Variants in ANO5 observed in about 807,000 individuals in gnomAD.
ANO5 encodes anoctamin-5.
A neutral mutation model predicts 121.0 loss-of-function variants in ANO5; 109 were observed. The ratio of observed to expected loss-of-function variants is 0.90; its 90% CI spans 0.77 to 1.06. The LOEUF (loss-of-function observed/expected upper bound fraction) is 1.06. Among genes scored for constraint, ANO5 ranks in the 50% least tolerant of loss-of-function variants. ANO5 has a pLI of 0.00. For missense variants in ANO5, 1,064 were observed against 1,078.5 expected (o/e 0.99, Z 0.19); for synonymous variants, 406 against 359.9 (o/e 1.13, Z -1.45).
intron 17 of ANO5, among the ~76,000 whole-genome samples, chr11:22,263,595 G>A (rs1459584526): frequency 6.6e-6 from 1 of 152,136 alleles, no homozygotes; most frequent in Admixed American, 6.5e-5. Flanking sequence ...ATTATAAAAA[G>A]AGAAAACTAA....
In ANO5 at chr11:22,214,914, A is replaced by G. The variant is rs116167072; in HGVS notation, c.139-3332A>G. ...ATATCAATTATTTTATAAATATTTAATAATGCAATTTAAAATTCTATTTGA... is the reference window on the plus strand; with the variant it reads ...ATATCAATTATTTTATAAATATTTAGTAATGCAATTTAAAATTCTATTTGA... On this transcript the variant is annotated intron_variant, in intron 3 of 21. Transcript: ENST00000324559. Among the ~76,000 whole-genome samples the G allele has an allele frequency of 9.2e-3, 1,402 of 152,140 alleles. 20 individuals are homozygous for G. Among genetic ancestry groups the G allele is most frequent in the African/African-American group, 0.032 (1,336 of 41,542 alleles).
At chr11:22,268,339 TAATA>T (rs1383811278) in intron 17 of ANO5, among the ~76,000 whole-genome samples, 2 of 152,162 alleles carry the variant, frequency 1.3e-5, no homozygotes, top group African/African-American at 4.8e-5. Flanking sequence ...TAATGAATTC[TAATA>T]AATATTTTAA....
At chr11:22,205,027 A>G (rs2133526303) in intron 2 of ANO5, among the ~76,000 whole-genome samples, 1 of 152,264 alleles carries the variant, frequency 6.6e-6, no homozygotes, top group East Asian at 1.9e-4. Context: ...TAAAAATGAC[A>G]AGATCATGTC....
rs1174897078 is a variant in ANO5 at position 22,255,503 on chromosome 11, A to G, written c.1313A>G (p.Lys438Arg). The change falls in exon 13 of 22, where the codon AAA becomes AGA. Residue 438 changes from lysine to arginine, a missense_variant. Coordinates refer to ENST00000324559, the MANE Select transcript of ANO5 (RefSeq NM_213599.3). ...TTTGAAGCTATGTGTAAACACAGGA[A>G]ATTGAATGCAGTGACTAAGGTAGAC... ...PEFEAMCKHRKLNAVTKEMEP... is the reference protein window; with the variant it reads ...PEFEAMCKHRRLNAVTKEMEP... 1 of 1,613,428 alleles carries G rather than the reference A, an allele frequency of 6.2e-7. No homozygotes were observed. The highest frequency in any genetic ancestry group is 8.5e-7 in the Non-Finnish European group (1 of 1,179,494).
At position 22,236,282 on chromosome 11, in the gene ANO5, T is replaced by G. The variant is rs1853217478; in HGVS notation, c.762+6T>G. 2 of 1,593,198 alleles carry G rather than the reference T, an allele frequency of 1.3e-6. No individual in the cohort carries two copies. ...CTGCCTATCCACTCCATGATGTATG[T>G]ATAGGTTTGATTGTGAAAATCTGAG... On this transcript the variant is annotated splice_donor_region_variant and intron_variant, in intron 8 of 21. Transcript: ENST00000324559.
At chr11:22,202,041 G>A (rs190584319) in intron 1 of ANO5, among the ~76,000 whole-genome samples, 1 of 152,142 alleles carries the variant, frequency 6.6e-6, no homozygotes, top group East Asian at 1.9e-4. Flanking sequence ...GGGTGAGGTT[G>A]GAGAGGTTGG....
At chr11:22,231,248 T>C (rs1054285720) in intron 7 of ANO5, among the ~76,000 whole-genome samples, 1 of 152,050 alleles carries the variant, frequency 6.6e-6, no homozygotes, top group South Asian at 2.1e-4. Flanking sequence ...TTTTAAGTAA[T>C]GAATTAATAA....
chr11:22,274,602 C>T lies in ANO5; in HGVS notation c.2269C>T (p.Pro757Ser), dbSNP rs771229339. Residue 757 changes from proline (P) to serine (S), a missense_variant, in exon 20 of 22, where the codon CCC (proline) becomes TCC (serine). Physicochemically the swap from Pro to Ser is moderately conservative, Grantham distance 74. Coordinates refer to ENST00000324559, the MANE Select transcript of ANO5 (RefSeq NM_213599.3). ...FIVAFTSDII[P>S]RLVYYYAYST... is the part of the protein sequence containing the mutation. ...TGTTGCATTTACGTCAGACATCATT[C>T]CCCGTCTAGTTTACTACTATGCTTA... 3 of 1,606,638 alleles carry T rather than the reference C, an allele frequency of 1.9e-6. No individual in the cohort carries two copies. Among genetic ancestry groups the T allele is most frequent in the South Asian group, 2.2e-5 (2 of 90,730 alleles).
Position 22,279,749 on chromosome 11 carries a change from C to G in ANO5, c.2726C>G (p.Ala909Gly), listed in dbSNP as rs541341088. ...VMIEENKAQL[A>G]KSTL The stretch of plus-strand genomic sequence containing the variant: ...ATTGAGGAAAACAAAGCACAGCTGG[C>G]TAAATCAACACTCTAATCAGTATAG... Residue 909 changes from alanine (A) to glycine (G), a missense_variant, in exon 22 of 22, where the codon GCT becomes GGT. Transcript: ENST00000324559. The G allele has an allele frequency of 6.2e-7, 1 of 1,611,956 alleles. No homozygotes were observed. Among genetic ancestry groups the G allele is most frequent in the African/African-American group, 1.3e-5 (1 of 74,944 alleles).
chr11:22,249,569 C>G (rs1330163985), intron 9 of ANO5, among the ~76,000 whole-genome samples: 1 of 152,152 alleles, frequency 6.6e-6, no homozygotes, highest in East Asian at 1.9e-4. Flanking sequence ...AAGTTAAAAA[C>G]AAAACACTTG....
chr11:22,193,145 C>A lies in ANO5; in HGVS notation c.-348C>A. On this transcript the variant is annotated 5_prime_UTR_variant, in exon 1 of 22. Transcript: ENST00000324559. ...GCTGCGGGATCAGCTGCCGAGCAGG[C>A]ACAGGGACAGGTGCCTGGAGAAGTA... is the stretch of plus-strand genomic sequence containing the variant. 8.8e-7 allele frequency: 1 copy of A among 1,141,976 alleles called. No individual in the cohort carries two copies. The highest frequency in any genetic ancestry group is 1.1e-6 in the Non-Finnish European group (1 of 921,690). 70.7% of individuals were successfully genotyped at this position (1,141,976 alleles called of 1,614,324 possible). A position where few individuals can be genotyped will look rare whatever the true frequency, so the allele number is the denominator to read the frequency against.
At chr11:22,258,555 T>C (rs1015552738) in intron 14 of ANO5, among the ~76,000 whole-genome samples, 2 of 152,220 alleles carry the variant, frequency 1.3e-5, no homozygotes, top group Non-Finnish European at 2.9e-5. Context: ...TCTTTGTGCT[T>C]TTGCAATATG....
intron 6 of ANO5, among the ~76,000 whole-genome samples, chr11:22,226,789 C>G (rs920328669): frequency 2.6e-5 from 4 of 152,104 alleles, no homozygotes; most frequent in African/African-American, 9.7e-5. Flanking sequence ...TTATACCACA[C>G]AATCCATAAT....
Position 22,272,911 on chromosome 11 carries a change from T to C in ANO5, c.2157T>C (p.Thr719=), listed in dbSNP as rs756086100. 1 of 1,614,082 alleles carries C rather than the reference T, an allele frequency of 6.2e-7. No homozygotes were observed. Among genetic ancestry groups the C allele is most frequent in the Non-Finnish European group, 8.5e-7 (1 of 1,180,020 alleles). Residue 719 remains threonine (T), a synonymous_variant, in exon 19 of 22, where the codon ACT becomes ACC. Coordinates refer to ENST00000324559, the MANE Select transcript of ANO5 (RefSeq NM_213599.3). ...AWKLTTQYRR[T]VASKAHSIGV... ...AACTTACCACTCAATACAGGAGAAC[T>C]GTAGCTTCTAAAGCTCATAGCATAG...
In ANO5 at chr11:22,236,239, A is replaced by ACT; in HGVS notation, c.728_729dup (p.Asn244LeufsTer47). On this transcript the variant is annotated frameshift_variant, in exon 8 of 22. Transcript: ENST00000324559. LOFTEE classifies it high-confidence loss of function. ...AGGTTTGGGATTGAAAGACTGCTAA[A>ACT]CTCTAACACTTACTCATCTGCCTAT... is the stretch of plus-strand genomic sequence containing the variant. The ACT allele has an allele frequency of 1.2e-6, 2 of 1,613,188 alleles. No homozygotes were observed. Among genetic ancestry groups the ACT allele is most frequent in the Non-Finnish European group, 1.7e-6 (2 of 1,179,460 alleles).
chr11:22,218,558 G>T (rs941134396), intron 4 of ANO5, among the ~76,000 whole-genome samples: 1 of 151,788 alleles, frequency 6.6e-6, no homozygotes. Flanking sequence ...AGGAATGCAG[G>T]GTTTTATTTT....
intron 1 of ANO5, among the ~76,000 whole-genome samples, chr11:22,195,331 C>T (rs1475450989): frequency 6.6e-6 from 1 of 152,118 alleles, no homozygotes; most frequent in East Asian, 1.9e-4. Context: ...ATACAAGTCC[C>T]TTATTAGATA....
chr11:22,249,105 A>G (rs11026475), intron 9 of ANO5, among the ~76,000 whole-genome samples: 8,301 of 152,046 alleles, frequency 0.055, 765 homozygotes, highest in African/African-American at 0.19. Flanking sequence ...CTGGAAAACC[A>G]AATTAGGGAA....
chr11:22,276,920 T>G (rs79853095), intron 21 of ANO5, among the ~76,000 whole-genome samples: 6,809 of 136,058 alleles, frequency 0.05, 224 homozygotes, highest in Non-Finnish European at 0.066. Context: ...CCAGTTTCTG[T>G]TTTTTTTTAT....
Sources: gnomAD v4.1 joint callset for allele counts (sites outside exome capture counted in the v4.1 genomes callset) on GRCh38, gnomAD v4.1.1 for gene constraint, MANE v1.5 for transcripts, NCBI Gene and HGNC (gene_info 2026-07-23, HGNC 2026-07-21) for gene names.